C2orf42: variants seen among roughly 807,000 people sequenced by gnomAD.
The protein encoded by C2orf42 is chromosome 2 open reading frame 42.
C2orf42 carries 44 observed loss-of-function variants against 58.9 expected under a neutral mutation model. That is an observed-to-expected ratio of 0.75 (90% CI 0.59 to 0.96). The LOEUF is 0.96. Among genes scored for constraint, C2orf42 ranks in the 40% least tolerant of loss-of-function variants. The probability of loss-of-function intolerance (pLI) is 0.00; values close to 1 mark genes in which losing one functional copy is unlikely to be tolerated. For synonymous variants in C2orf42, 239 were observed against 265.4 expected, an observed-to-expected ratio of 0.90 and a Z score of 0.97; for missense variants, 630 against 699.2, an observed-to-expected ratio of 0.90 and a Z score of 1.12.
At chr2:70,187,695 G>GT (rs560078734) in intron 1 of C2orf42, among the ~76,000 whole-genome samples, 17 of 151,704 alleles carry the variant, frequency 1.1e-4, no homozygotes, top group Non-Finnish European at 1.8e-4. Context: ...TTACATTTTA[G>GT]TTTTTTTTAA....
chr2:70,150,855 C>A (rs1672264938), intron 9 of C2orf42, among the ~76,000 whole-genome samples: 1 of 152,212 alleles, frequency 6.6e-6, no homozygotes, highest in Admixed American at 6.5e-5. Context: ...AAGCGATTCT[C>A]CTTCCTCAGC....
Position 70,150,487 on chromosome 2 carries a change from T to A in C2orf42, c.1594A>T (p.Ile532Phe). The change falls in exon 10 of 10, where the codon ATT becomes TTT. Residue 532 changes from isoleucine to phenylalanine, a missense_variant. By Grantham distance (21) the Ile-to-Phe change is conservative (BLOSUM62 0). Coordinates refer to ENST00000264434, the MANE Select transcript of C2orf42 (RefSeq NM_017880.3). ...TCAAACTTGATCCGCAGCTCGCCAA[T>A]CTTAGATTGGGGAAGGATATCTGGG... ...WIPDILPQSK[I>F]GELRIKFEYG... The A allele has an allele frequency of 6.2e-7, 1 of 1,614,078 alleles. No homozygotes were observed. Among genetic ancestry groups the A allele is most frequent in the Non-Finnish European group, 8.5e-7 (1 of 1,180,004 alleles).
At chr2:70,160,936 C>T in intron 8 of C2orf42, 149 bp from the exon 9 acceptor site, 1 of 593,858 alleles carries the variant, frequency 1.7e-6, no homozygotes, top group Non-Finnish European at 2.9e-6. Context: ...CAAGAAAATC[C>T]TGTCAACAAA....
intron 9 of C2orf42, among the ~76,000 whole-genome samples, chr2:70,151,064 T>C (rs997494155): frequency 2.0e-5 from 3 of 152,096 alleles, no homozygotes; most frequent in African/African-American, 7.2e-5. Flanking sequence ...AAAACATATA[T>C]ATTTAGGCCA....
At chr2:70,179,787 C>T in intron 3 of C2orf42, 145 bp from the exon 4 acceptor site, 1 of 417,752 alleles carries the variant, frequency 2.4e-6, no homozygotes, top group Admixed American at 3.7e-5. Flanking sequence ...GACCCCAACT[C>T]TACAAAAAAT....
At chr2:70,150,777 G>A (rs113538879) in intron 9 of C2orf42, among the ~76,000 whole-genome samples, 2,265 of 152,240 alleles carry the variant, frequency 0.015, 51 homozygotes, top group African/African-American at 0.052. Context: ...ACGGAGTCTC[G>A]CTTTGGCACC....
In C2orf42 at chr2:70,181,206, T is replaced by C; in HGVS notation, c.780A>G (p.Thr260=). 1 of 1,589,300 alleles carries C rather than the reference T, an allele frequency of 6.3e-7. No individual in the cohort carries two copies. The highest frequency in any genetic ancestry group is 8.6e-7 in the Non-Finnish European group (1 of 1,162,246). The change falls in exon 3 of 10, where the codon ACA becomes ACG. Residue 260 remains threonine (T), a synonymous_variant. Coordinates refer to ENST00000264434, the MANE Select transcript of C2orf42 (RefSeq NM_017880.3). ...ACICAFASDE[T]LAQEFSDFLN... ...GGAAGTCTGAGAATTCCTGAGCCAG[T>C]GTCTCATCACTGGCAAAGGCACAGA...
At chr2:70,187,237 A>T (rs571201693) in intron 1 of C2orf42, among the ~76,000 whole-genome samples, 37 of 148,594 alleles carry the variant, frequency 2.5e-4, no homozygotes, top group African/African-American at 8.7e-4. Context: ...CCACTCTTTT[A>T]TCTTTTCTTT....
At chr2:70,183,365 G>C (rs1051841811) in intron 1 of C2orf42, among the ~76,000 whole-genome samples, 1 of 152,102 alleles carries the variant, frequency 6.6e-6, no homozygotes, top group Admixed American at 6.6e-5. Flanking sequence ...CTGAGTCCAG[G>C]AGAGCAAGGC....
chr2:70,180,765 G>A (rs1277863279), intron 3 of C2orf42, among the ~76,000 whole-genome samples: 1 of 151,660 alleles, frequency 6.6e-6, no homozygotes, highest in Non-Finnish European at 1.5e-5. Context: ...ACTTTGGGAG[G>A]TTGAGGCAGG....
chr2:70,161,840 CA>C (rs1172754744), intron 8 of C2orf42, among the ~76,000 whole-genome samples: 21,405 of 77,488 alleles, frequency 0.28, 2,188 homozygotes, highest in African/African-American at 0.44. Context: ...AAGTCCGTGT[CA>C]AAAAAAAAAA....
intron 1 of C2orf42, among the ~76,000 whole-genome samples, chr2:70,184,471 C>T (rs1674790234): frequency 6.8e-6 from 1 of 147,414 alleles, no homozygotes; most frequent in Non-Finnish European, 1.5e-5. Flanking sequence ...ACCACTGTGC[C>T]TGGCCCTATT....
chr2:70,153,477 G>C (rs1489961369), intron 9 of C2orf42, among the ~76,000 whole-genome samples: 1 of 150,018 alleles, frequency 6.7e-6, no homozygotes, highest in African/African-American at 2.5e-5. Context: ...TCCTGCCTCA[G>C]CCTCCTGAGT....
chr2:70,164,209 G>A (rs11691300), intron 8 of C2orf42, among the ~76,000 whole-genome samples: 9,760 of 151,810 alleles, frequency 0.064, 444 homozygotes, highest in South Asian at 0.19. Flanking sequence ...AGGCTGAGGT[G>A]GGAGGATCAC....
intron 6 of C2orf42, among the ~76,000 whole-genome samples, chr2:70,166,168 C>T (rs1297498387): frequency 6.6e-6 from 1 of 151,212 alleles, no homozygotes; most frequent in African/African-American, 2.4e-5. Flanking sequence ...GGATTACAGG[C>T]GTGAGCCACC....
intron 8 of C2orf42, among the ~76,000 whole-genome samples, chr2:70,164,668 T>C (rs1381821798): frequency 1.3e-5 from 2 of 152,036 alleles, no homozygotes; most frequent in Non-Finnish European, 1.5e-5. Flanking sequence ...GGGTCATTTC[T>C]CTAATGAGAA....
At chr2:70,164,092 GCT>G (rs921313134) in intron 8 of C2orf42, among the ~76,000 whole-genome samples, 44 of 150,902 alleles carry the variant, frequency 2.9e-4, no homozygotes, top group Admixed American at 2.4e-3. Context: ...CAGACAGATT[GCT>G]CGAGTCCAGG....
chr2:70,179,763 G>A (rs1353600384), intron 3 of C2orf42, 121 bp from the exon 4 acceptor site: 2 of 449,002 alleles, frequency 4.5e-6, no homozygotes, highest in East Asian at 6.5e-5. Context: ...ATCCCAGGCT[G>A]GGCAACATAG....
intron 8 of C2orf42, 125 bp from the exon 9 acceptor site, chr2:70,160,912 AC>A (rs905158699): frequency 1.7e-6 from 1 of 605,210 alleles, no homozygotes; most frequent in African/African-American, 1.9e-5. Context: ...ATGAATTACA[AC>A]TTCCCTGTTT....
Sources: gnomAD v4.1 joint callset for allele counts (sites outside exome capture counted in the v4.1 genomes callset) on GRCh38, gnomAD v4.1.1 for gene constraint, MANE v1.5 for transcripts, NCBI Gene and HGNC (gene_info 2026-07-23, HGNC 2026-07-21) for gene names.